The following ANKRD30B variants were observed in gnomAD, a reference collection of about 807,000 sequenced individuals.
ANKRD30B encodes the protein ankyrin repeat domain-containing protein 30B.
Under a neutral mutation model 202.2 loss-of-function variants are expected in ANKRD30B, and 144 were observed. The ratio of observed to expected loss-of-function variants is 0.71; its 90% confidence interval spans 0.62 to 0.82. The LOEUF is 0.82. Among genes scored for constraint, ANKRD30B ranks in the 40% least tolerant of loss-of-function variants. The pLI is 0.00. For synonymous variants in ANKRD30B, 508 were observed against 561.3 expected, an observed-to-expected ratio of 0.91 and a Z score of 1.34; for missense variants, 1,487 against 1,669.1, an observed-to-expected ratio of 0.89 and a Z score of 1.90.
At chr18:14,922,541 G>A in the ANKRD30B span, among the ~76,000 whole-genome samples, 2 of 151,782 alleles carry the variant, frequency 1.3e-5, no homozygotes, top group Admixed American at 6.6e-5. Flanking sequence ...TGTACTCCCA[G>A]CTACTCAGGA....
intron 20 of ANKRD30B, among the ~76,000 whole-genome samples, chr18:14,798,383 G>A (rs890640743): frequency 6.6e-6 from 1 of 152,080 alleles, no homozygotes; most frequent in African/African-American, 2.4e-5. Context: ...TTACAATATA[G>A]TGTGTGCATC....
At chr18:14,777,605 A>G (rs1967446561) in intron 9 of ANKRD30B, among the ~76,000 whole-genome samples, 1 of 151,924 alleles carries the variant, frequency 6.6e-6, no homozygotes, top group African/African-American at 2.4e-5. Flanking sequence ...CCCATAAAAA[A>G]GATTTTAAAT....
the ANKRD30B span, among the ~76,000 whole-genome samples, chr18:14,866,177 G>C: frequency 5.3e-5 from 8 of 152,272 alleles, no homozygotes; most frequent in East Asian, 1.5e-3. Flanking sequence ...CCTCATGCCA[G>C]TTTAGGCTCT....
At chr18:14,867,742 C>T in the ANKRD30B span, among the ~76,000 whole-genome samples, 1 of 152,128 alleles carries the variant, frequency 6.6e-6, no homozygotes, top group East Asian at 1.9e-4. Flanking sequence ...TGTGGTGTCT[C>T]CAGTCCCCAC....
intron 32 of ANKRD30B, chr18:14,825,174 A>G (rs1267978798): frequency 1.3e-5 from 2 of 152,046 alleles, no homozygotes; most frequent in East Asian, 3.9e-4. Context: ...AGTTCTTTTC[A>G]CCTTCATATT....
chr18:14,758,079 TACTGGGTCCAGGATTCTTTATTTTAGG>T, intron 5 of ANKRD30B, 127 bp downstream of exon 5: 2 of 1,001,020 alleles, frequency 2.0e-6, no homozygotes, highest in South Asian at 3.5e-5. Flanking sequence ...TTAGAAGGAG[TACTGGGTCCAGGATTCTTTATTTTAGG>T]ACTTTCAACA....
In ANKRD30B at chr18:14,808,580, G is replaced by C. The variant is rs749379227; in HGVS notation, c.2313+1G>C. ...TCCTGATAAAGATGGTCTTCTGAAG[G>C]TAATTACTTTTATATTTCTATGTTG... On this transcript the variant is annotated splice_donor_variant, in intron 25 of 43. Coordinates refer to ENST00000690538, the MANE Select transcript of ANKRD30B (RefSeq NM_001367607.2). LOFTEE classifies it high-confidence loss of function. The C allele has an allele frequency of 1.9e-6, 3 of 1,553,266 alleles. No homozygotes were observed. Among genetic ancestry groups the C allele is most frequent in the Admixed American group, 1.7e-5 (1 of 59,080 alleles).
chr18:14,939,168 G>GT, the ANKRD30B span, among the ~76,000 whole-genome samples: 21 of 152,078 alleles, frequency 1.4e-4, no homozygotes, highest in East Asian at 7.7e-4. Context: ...TCCAAATTCT[G>GT]TTTTTTTTCA....
At chr18:14,937,249 G>C in the ANKRD30B span, among the ~76,000 whole-genome samples, 2 of 152,194 alleles carry the variant, frequency 1.3e-5, no homozygotes, top group Admixed American at 1.3e-4. Context: ...AACTTCTAGA[G>C]ACCGAGTCAC....
chr18:14,852,533 A>G, intron 42 of ANKRD30B, 113 bp downstream of exon 42: 1 of 1,296,778 alleles, frequency 7.7e-7, no homozygotes, highest in South Asian at 2.3e-5. Flanking sequence ...AAATGTACTT[A>G]CTATATCAGC....
intron 15 of ANKRD30B, among the ~76,000 whole-genome samples, chr18:14,789,362 T>G (rs1968310734): frequency 1.3e-5 from 2 of 152,148 alleles, no homozygotes; most frequent in East Asian, 3.9e-4. Flanking sequence ...CTGATGGTAG[T>G]TTCTTTTGCT....
intron 1 of ANKRD30B, among the ~76,000 whole-genome samples, chr18:14,752,073 G>A (rs948036044): frequency 1.3e-5 from 2 of 152,122 alleles, no homozygotes; most frequent in East Asian, 1.9e-4. Flanking sequence ...AACACACCAC[G>A]AAGTAGGCAT....
chr18:14,934,307 A>T, the ANKRD30B span, among the ~76,000 whole-genome samples: 30 of 152,300 alleles, frequency 2.0e-4, no homozygotes, highest in African/African-American at 6.7e-4. Context: ...GGCCAGCGAG[A>T]GGCAGGCCCG....
the ANKRD30B span, among the ~76,000 whole-genome samples, chr18:14,913,261 G>A: frequency 6.6e-6 from 1 of 152,178 alleles, no homozygotes; most frequent in Non-Finnish European, 1.5e-5. Context: ...AAGGATTGCT[G>A]CCGAAGTGCC....
At chr18:14,748,683 G>A (rs1189091473) in intron 1 of ANKRD30B, 43 bp downstream of exon 1, 2 of 1,479,624 alleles carry the variant, frequency 1.4e-6, no homozygotes, top group Non-Finnish European at 1.8e-6. Context: ...AGGAGGAGGC[G>A]GCTGTGGGAG....
At chr18:14,765,595 C>G (rs905181093) in intron 7 of ANKRD30B, among the ~76,000 whole-genome samples, 2 of 152,132 alleles carry the variant, frequency 1.3e-5, no homozygotes, top group African/African-American at 4.8e-5. Flanking sequence ...TGATTGCACT[C>G]CAAGAAAACT....
chr18:14,865,329 A>C, the ANKRD30B span, among the ~76,000 whole-genome samples: 29 of 128,802 alleles, frequency 2.3e-4, no homozygotes, highest in Admixed American at 5.4e-4. Context: ...CCTGCTTGCC[A>C]CTCTCTCTTC....
At chr18:14,906,799 G>A in the ANKRD30B span, among the ~76,000 whole-genome samples, 1 of 151,836 alleles carries the variant, frequency 6.6e-6, no homozygotes, top group African/African-American at 2.4e-5. Flanking sequence ...GTGTGCTCAA[G>A]GTGGTTGGGG....
rs1968889443 is a variant in ANKRD30B, at chr18:14,796,326, T to G, written c.1855-17T>G. 1 of 1,604,794 alleles carries G rather than the reference T, an allele frequency of 6.2e-7. No homozygotes were observed. The highest frequency in any genetic ancestry group is 8.5e-7 in the Non-Finnish European group (1 of 1,175,084). On this transcript the variant is annotated splice_polypyrimidine_tract_variant and intron_variant, in intron 17 of 43. Coordinates refer to ENST00000690538, the MANE Select transcript of ANKRD30B (RefSeq NM_001367607.2). ...CATATATTATGTATTAATTTTTGTGTTTCCAAACCCATTTAGCCTACCTGT... is the reference window on the plus strand; with the variant it reads ...CATATATTATGTATTAATTTTTGTGGTTCCAAACCCATTTAGCCTACCTGT...
Sources: allele counts gnomAD v4.1 joint callset (sites outside exome capture counted in the v4.1 genomes callset), GRCh38; gene constraint gnomAD v4.1.1; transcripts MANE v1.5; gene names NCBI Gene and HGNC (gene_info 2026-07-23, HGNC 2026-07-21).